EHMT2: variants seen among roughly 807,000 people sequenced by gnomAD.
EHMT2 encodes the protein euchromatic histone lysine methyltransferase 2.
In EHMT2, 59 loss-of-function variants were observed where a neutral mutation model predicts 143.3. The observed-to-expected ratio is 0.41, with a 90% CI of 0.33 to 0.51. The LOEUF (loss-of-function observed/expected upper bound fraction) is 0.51. EHMT2 is among the 20% of genes least tolerant of loss of function. The pLI, the probability that EHMT2 is intolerant of heterozygous loss-of-function variation, is 0.18. For missense variants in EHMT2, 1,174 were observed against 1,645.9 expected (o/e 0.71, Z 4.96); for synonymous variants, 604 against 651.5 (o/e 0.93, Z 1.11).
rs936512455 is a variant in EHMT2, at chr6:31,880,498, T to C, written c.3452+175A>G. 6 of 857,654 alleles carry C rather than the reference T, an allele frequency of 7.0e-6. No individual in the cohort carries two copies. The African/African-American group carries it at 8.5e-5, about 12-fold the overall frequency. 53.1% of individuals were successfully genotyped at this position (857,654 alleles called of 1,614,324 possible). On this transcript the variant is annotated intron_variant, in intron 27 of 27. Coordinates refer to ENST00000375537, the Ensembl canonical transcript of EHMT2. This position sits in a 1 kb window ranked among gnomAD's most constrained non-coding sequence, Gnocchi z 6.6. ...CAAGCCTACTGATTCAAAATCTCTC[T>C]GGGAGGCACAGGACTGTTTCCCCAA...
chr6:31,887,344 T>A (rs917803913), intron 15 of EHMT2, among the ~76,000 whole-genome samples: 1 of 152,198 alleles, frequency 6.6e-6, no homozygotes, highest in African/African-American at 2.4e-5. Context: ...GCAAGGTCCC[T>A]AACCTCTCTG....
rs111556716 is a variant in EHMT2 at position 31,888,160 on chromosome 6, T to C, written c.1626A>G (p.Glu542=). Residue 542 remains glutamate, a synonymous_variant, in exon 13 of 28, where the codon GAA becomes GAG. Transcript: ENST00000375537. The surrounding 1 kb of genome is among the most constrained non-coding windows in gnomAD (Gnocchi z 7.4). ...CCCGGGGGATGGTCACCTCTTGAGC[T>C]TCAGAAGCATCCTCCCCACAGTGGG... 2 of 1,612,734 alleles carry C rather than the reference T, an allele frequency of 1.2e-6. No homozygotes were observed. The highest frequency in any genetic ancestry group is 1.3e-5 in the African/African-American group (1 of 75,008).
In EHMT2 at chr6:31,880,080, G is replaced by C. The variant is rs370792503; in HGVS notation, c.*4C>G. 1 of 1,611,838 alleles carries C rather than the reference G, an allele frequency of 6.2e-7. No homozygotes were observed. Among genetic ancestry groups the C allele is most frequent in the Non-Finnish European group, 8.5e-7 (1 of 1,179,710 alleles). On this transcript the variant is annotated 3_prime_UTR_variant, in exon 28 of 28. Transcript: ENST00000375537. This position sits in a 1 kb window ranked among gnomAD's most constrained non-coding sequence, Gnocchi z 6.6. ...ATGCTGGGGAGAGAGGGTGTGGTCC[G>C]TTCTCATGTGTTGACAGGGGGCAGG...
chr6:31,882,366 A>C (rs1303766539), intron 25 of EHMT2, among the ~76,000 whole-genome samples: 4 of 152,162 alleles, frequency 2.6e-5, no homozygotes, highest in African/African-American at 9.7e-5. Flanking sequence ...GCTCAAACCC[A>C]AGTCTGTTTG....
At chr6:31,892,861 C>T (rs1280354258) in exon 5 of EHMT2, 2 of 1,600,866 alleles carry the variant, frequency 1.2e-6, no homozygotes, top group Admixed American at 3.4e-5. Flanking sequence ...GACATCATCA[C>T]TCATGCGGAA....
chr6:31,882,843 G>A, intron 24 of EHMT2, 51 bp downstream of exon 24: 2 of 1,611,752 alleles, frequency 1.2e-6, no homozygotes, highest in East Asian at 2.2e-5. Context: ...CCCAGGGGCA[G>A]GGAGGAAAGG....
Position 31,881,459 on chromosome 6 carries a change from G to A in EHMT2, c.3198-367C>T, listed in dbSNP as rs897014095. 39 of 357,504 alleles carry A rather than the reference G, an allele frequency of 1.1e-4. No individual in the cohort carries two copies. The highest frequency in any genetic ancestry group is 3.8e-5 in the Admixed American group (1 of 26,606). 22.1% of individuals were successfully genotyped at this position (357,504 alleles called of 1,614,324 possible). A position where few individuals can be genotyped will look rare whatever the true frequency, so the allele number is the denominator to read the frequency against. ...GGGGCCAGGACTGCAGGAAGAGCCAGAGGTACAGGAGTGGCAAGGAACTCA... is the reference window on the plus strand; with the variant it reads ...GGGGCCAGGACTGCAGGAAGAGCCAAAGGTACAGGAGTGGCAAGGAACTCA... On this transcript the variant is annotated intron_variant, in intron 25 of 27. Coordinates refer to ENST00000375537, the Ensembl canonical transcript of EHMT2. This position sits in a 1 kb window ranked among gnomAD's most constrained non-coding sequence, Gnocchi z 4.8.
intron 18 of EHMT2, 33 bp from the exon 19 acceptor site, chr6:31,885,049 G>A (rs1302948558): frequency 1.9e-6 from 3 of 1,579,108 alleles, no homozygotes; most frequent in Admixed American, 1.8e-5. Context: ...GGTGGGGGCA[G>A]CTGGCCCTGC....
chr6:31,889,622 G>C lies in EHMT2; in HGVS notation c.865-20C>G, dbSNP rs1230779452. The C allele has an allele frequency of 8.1e-6, 13 of 1,608,188 alleles. No homozygotes were observed. The highest frequency in any genetic ancestry group is 1.6e-4 in the Middle Eastern group (1 of 6,062). On this transcript the variant is annotated intron_variant, in intron 7 of 27. Coordinates refer to ENST00000375537, the Ensembl canonical transcript of EHMT2. The surrounding 1 kb of genome is among the most constrained non-coding windows in gnomAD (Gnocchi z 5.1). ...TTCAGACTGGGAGAGAGGCAGAACA[G>C]ACATATCCAACCCCCAGGACTCAGA... is the stretch of plus-strand genomic sequence containing the variant.
At chr6:31,892,147 CAGG>C (rs1184436171) in intron 7 of EHMT2, among the ~76,000 whole-genome samples, 2 of 152,162 alleles carry the variant, frequency 1.3e-5, no homozygotes, top group Non-Finnish European at 2.9e-5. Flanking sequence ...GAGGCTGAGG[CAGG>C]AGAATTGCTT....
In EHMT2 at chr6:31,889,451, C is replaced by A. The variant is rs1319219648; in HGVS notation, c.999+17G>T. The stretch of plus-strand genomic sequence containing the variant: ...TAGTCTCCCACTCCTCTGGAGATAT[C>A]AGCCTCCGTCTCTTACCCTATCTGA... On this transcript the variant is annotated intron_variant, in intron 8 of 27. Coordinates refer to ENST00000375537, the Ensembl canonical transcript of EHMT2. This position sits in a 1 kb window ranked among gnomAD's most constrained non-coding sequence, Gnocchi z 5.1. The A allele has an allele frequency of 6.2e-7, 1 of 1,612,102 alleles. No individual in the cohort carries two copies. The highest frequency in any genetic ancestry group is 1.7e-5 in the Admixed American group (1 of 59,956).
At position 31,880,306 on chromosome 6, in the gene EHMT2, C is replaced by A; in HGVS notation, c.3453-42G>T. On this transcript the variant is annotated intron_variant, in intron 27 of 27. Transcript: ENST00000375537. The surrounding 1 kb of genome is among the most constrained non-coding windows in gnomAD (Gnocchi z 6.6). ...GGAGCTTGTGGGACCTGGACCCAGC[C>A]ACCAAGAGCCCACCCCGAAGACCCT... 1.3e-6 allele frequency: 2 copies of A among 1,591,068 alleles called. No individual in the cohort carries two copies. Among genetic ancestry groups the A allele is most frequent in the Non-Finnish European group, 1.7e-6 (2 of 1,164,220 alleles).
chr6:31,879,821 T>A (rs1763866833), exon 28 of EHMT2: 5 of 520,440 alleles, frequency 9.6e-6, no homozygotes, highest in Non-Finnish European at 1.7e-5. Flanking sequence ...AGGCCCGACT[T>A]CAATTCATCA....
At chr6:31,892,757 G>A (rs1765870568) in intron 5 of EHMT2, 23 bp from the exon 6 acceptor site, 1 of 1,612,988 alleles carries the variant, frequency 6.2e-7, no homozygotes, top group South Asian at 1.1e-5. Flanking sequence ...AGAGAATGGT[G>A]TGGGGCCTAT....
At chr6:31,882,487 T>C (rs995180270) in intron 25 of EHMT2, among the ~76,000 whole-genome samples, 20 of 150,696 alleles carry the variant, frequency 1.3e-4, no homozygotes, top group African/African-American at 4.4e-4. Context: ...CTGGGCAGAG[T>C]GGAGGCAGGT....
At chr6:31,891,906 T>C (rs939389797) in intron 7 of EHMT2, among the ~76,000 whole-genome samples, 6 of 151,748 alleles carry the variant, frequency 4.0e-5, no homozygotes, top group Non-Finnish European at 8.8e-5. Context: ...ATGTGCAGGG[T>C]GGTGGCCACC....
Position 31,884,188 on chromosome 6 carries a change from C to T in EHMT2, c.2771+204G>A. On this transcript the variant is annotated intron_variant, in intron 21 of 27. Transcript: ENST00000375537. The surrounding 1 kb of genome is among the most constrained non-coding windows in gnomAD (Gnocchi z 7.3). ...ACTAAAAAAGTATGCATCTGTGCAT[C>T]TGAAATTCCAGTTTAACTGGGTGTC... The T allele has an allele frequency of 6.9e-6, 5 of 722,236 alleles. No homozygotes were observed. Among genetic ancestry groups the T allele is most frequent in the Non-Finnish European group, 6.6e-6 (3 of 451,358 alleles). The allele number at this position is 722,236 out of a possible 1,614,324, so 44.7% of individuals were successfully genotyped here.
In EHMT2 at chr6:31,889,578, G is replaced by T; in HGVS notation, c.889C>A (p.Gln297Lys). 6.2e-7 allele frequency: 1 copy of T among 1,610,614 alleles called. No homozygotes were observed. Among genetic ancestry groups the T allele is most frequent in the Non-Finnish European group, 8.5e-7 (1 of 1,179,848 alleles). ...TCCTCCTCCTCCTCTTCACTTAGTT[G>T]TTCAGTTAGAGCTTCAACTTCAGAC... The change falls in exon 8 of 28, where the codon CAA becomes AAA. Residue 297 changes from glutamine (Q) to lysine (K), a missense_variant. Physicochemically the swap from Gln to Lys is moderately conservative, Grantham distance 53. Transcript: ENST00000375537. The surrounding 1 kb of genome is among the most constrained non-coding windows in gnomAD (Gnocchi z 5.1).
At chr6:31,891,084 AG>A (rs955951625) in intron 7 of EHMT2, among the ~76,000 whole-genome samples, 2 of 151,898 alleles carry the variant, frequency 1.3e-5, no homozygotes, top group African/African-American at 4.8e-5. Context: ...CTGGAATTAC[AG>A]GCACGTACCA....
Sources: allele counts gnomAD v4.1 joint callset (sites outside exome capture counted in the v4.1 genomes callset), GRCh38; gene constraint gnomAD v4.1.1; non-coding constraint Gnocchi (gnomAD v3.1); transcripts MANE v1.5; gene names NCBI Gene and HGNC (gene_info 2026-07-23, HGNC 2026-07-21).